The following CFAP100 variants were observed in gnomAD, a reference collection of about 807,000 sequenced individuals.
CFAP100 encodes cilia- and flagella-associated protein 100.
Under a neutral mutation model 81.5 loss-of-function variants are expected in CFAP100, and 70 were observed. The ratio of observed to expected loss-of-function variants is 0.86; its 90% CI spans 0.71 to 1.05. The LOEUF is 1.05. Among genes scored for constraint, CFAP100 ranks in the 50% least tolerant of loss-of-function variants. The pLI, the probability that CFAP100 is intolerant of heterozygous loss-of-function variation, is 0.00. For synonymous variants in CFAP100, 341 were observed against 314.8 expected, an observed-to-expected ratio of 1.08 and a Z score of -0.88; for missense variants, 811 against 776.5, an observed-to-expected ratio of 1.04 and a Z score of -0.53.
chr3:126,418,219 A>G (rs2083272482), intron 5 of CFAP100: 2 of 544,198 alleles, frequency 3.7e-6, no homozygotes, highest in African/African-American at 3.8e-5. Context: ...AGTCAGACAC[A>G]GTAAGGACTT....
chr3:126,422,763 G>A (rs1248193886), intron 11 of CFAP100, among the ~76,000 whole-genome samples: 2 of 152,184 alleles, frequency 1.3e-5, no homozygotes, highest in African/African-American at 4.8e-5. Flanking sequence ...CAGGGGCCAA[G>A]ACTGACCCTA....
chr3:126,404,192 T>C (rs2083028697), intron 2 of CFAP100, among the ~76,000 whole-genome samples: 1 of 152,220 alleles, frequency 6.6e-6, no homozygotes, highest in Non-Finnish European at 1.5e-5. Flanking sequence ...TGTGACCTGT[T>C]AGAGTGACCG....
Position 126,411,943 on chromosome 3 carries a change from G to C in CFAP100, c.131-2142G>C, listed in dbSNP as rs926797343. On this transcript the variant is annotated intron_variant, in intron 3 of 16. Transcript: ENST00000352312. Reference sequence around the variant, plus strand: ...TATTTGCTATTTTTTTTCTTCTGCTGGGTTTGGATTTAGTTTGTTCTTGTT... The same window carrying C: ...TATTTGCTATTTTTTTTCTTCTGCTCGGTTTGGATTTAGTTTGTTCTTGTT... Among the ~76,000 whole-genome samples the C allele has an allele frequency of 2.0e-5, 3 of 151,950 alleles. No homozygotes were observed. The East Asian group carries it at 5.8e-4, about 29-fold the overall frequency.
chr3:126,397,773 C>T (rs966375927), intron 2 of CFAP100, among the ~76,000 whole-genome samples: 10 of 152,204 alleles, frequency 6.6e-5, no homozygotes, highest in Non-Finnish European at 1.3e-4. Context: ...GTCCTGGGGT[C>T]AGCTGCAGGA....
chr3:126,402,676 C>T (rs1442953416), intron 2 of CFAP100, among the ~76,000 whole-genome samples: 2 of 151,846 alleles, frequency 1.3e-5, no homozygotes, highest in Non-Finnish European at 2.9e-5. Flanking sequence ...TTTTCTATCT[C>T]CAGGGATTAG....
chr3:126,433,461 TTG>T (rs1465071891), intron 14 of CFAP100: 1 of 462,932 alleles, frequency 2.2e-6, no homozygotes, highest in East Asian at 3.8e-5. Context: ...AACACATATA[TTG>T]TGTCTGGCAA....
intron 13 of CFAP100, among the ~76,000 whole-genome samples, chr3:126,424,479 C>G (rs2083381311): frequency 6.6e-6 from 1 of 152,242 alleles, no homozygotes; most frequent in Non-Finnish European, 1.5e-5. Context: ...GTCCCTCCTG[C>G]TGGGTGTGGC....
chr3:126,407,395 G>A (rs1363423234), intron 3 of CFAP100, 143 bp downstream of exon 3: 3 of 555,686 alleles, frequency 5.4e-6, no homozygotes, highest in Non-Finnish European at 9.7e-6. Context: ...GGGTTGACTT[G>A]AAATAACAGG....
intron 13 of CFAP100, among the ~76,000 whole-genome samples, chr3:126,424,074 A>T (rs1415864294): frequency 6.6e-6 from 1 of 152,262 alleles, no homozygotes; most frequent in Non-Finnish European, 1.5e-5. Flanking sequence ...CTGCTGCTTC[A>T]TATTTCGTAG....
chr3:126,412,171 T>A (rs1439681433), intron 3 of CFAP100, among the ~76,000 whole-genome samples: 1 of 152,230 alleles, frequency 6.6e-6, no homozygotes, highest in African/African-American at 2.4e-5. Flanking sequence ...CCAGATGTCA[T>A]TCAAGAGCAG....
rs376955604 is a variant in CFAP100, at chr3:126,430,766, GT to G, written c.1287-2294del. Among the ~76,000 whole-genome samples the G allele has an allele frequency of 1.5e-3, 231 of 149,142 alleles. 2 individuals are homozygous for G. The highest frequency in any genetic ancestry group is 5.4e-3 in the African/African-American group (220 of 40,644). ...GCATTCTTAGCTCAATAATTTCTGG[GT>G]TTTTTTTTATGGTTTCTATTTCTTT... On this transcript the variant is annotated intron_variant, in intron 13 of 16. Coordinates refer to ENST00000352312, the MANE Select transcript of CFAP100 (RefSeq NM_182628.3).
At chr3:126,422,141 C>G (rs544353205) in intron 11 of CFAP100, among the ~76,000 whole-genome samples, 1 of 152,216 alleles carries the variant, frequency 6.6e-6, no homozygotes, top group Non-Finnish European at 1.5e-5. Flanking sequence ...CAAGAGGGAA[C>G]ATGGGGGCTG....
chr3:126,415,655 C>T (rs893351349), intron 4 of CFAP100, among the ~76,000 whole-genome samples: 6 of 151,978 alleles, frequency 3.9e-5, no homozygotes, highest in African/African-American at 1.2e-4. Context: ...AGAAAGTCTA[C>T]GTGAAGAGAC....
At chr3:126,396,121 G>A (rs1426183196) in intron 2 of CFAP100, 72 bp downstream of exon 2, 16 of 1,189,052 alleles carry the variant, frequency 1.3e-5, no homozygotes, top group Non-Finnish European at 1.9e-5. Context: ...CTCCCTCACA[G>A]GTTAAGGTAG....
intron 14 of CFAP100, chr3:126,433,463 G>GC: frequency 1.5e-5 from 7 of 456,218 alleles, no homozygotes; most frequent in Admixed American, 3.7e-5. Flanking sequence ...CACATATATT[G>GC]TGTCTGGCAA....
chr3:126,424,354 G>T (rs1369558553), intron 13 of CFAP100, among the ~76,000 whole-genome samples: 1 of 152,180 alleles, frequency 6.6e-6, no homozygotes, highest in Non-Finnish European at 1.5e-5. Context: ...GTCCAGCATG[G>T]CAAAGTGGCT....
At chr3:126,395,793 G>A (rs1470186371) in intron 1 of CFAP100, 149 bp from the exon 2 acceptor site, 1 of 593,284 alleles carries the variant, frequency 1.7e-6, no homozygotes, top group African/African-American at 1.9e-5. Context: ...CAGGAGGTGA[G>A]AGTGGACCCT....
intron 2 of CFAP100, among the ~76,000 whole-genome samples, chr3:126,406,065 T>C (rs2083057634): frequency 6.6e-6 from 1 of 152,202 alleles, no homozygotes; most frequent in Non-Finnish European, 1.5e-5. Context: ...TGTAACCACA[T>C]GCCTACTAAG....
chr3:126,410,629 G>C (rs1359034833), intron 3 of CFAP100, among the ~76,000 whole-genome samples: 1 of 152,038 alleles, frequency 6.6e-6, no homozygotes, highest in African/African-American at 2.4e-5. Context: ...GCCTCCCAAA[G>C]TGCTGGCATT....
Sources: gnomAD v4.1 joint callset for allele counts (sites outside exome capture counted in the v4.1 genomes callset) on GRCh38, gnomAD v4.1.1 for gene constraint, MANE v1.5 for transcripts, NCBI Gene and HGNC (gene_info 2026-07-23, HGNC 2026-07-21) for gene names.